The following REPS1 variants were observed in gnomAD, a reference collection of about 807,000 sequenced individuals.
REPS1 encodes ralBP1-associated Eps domain-containing protein 1.
Under a neutral mutation model 100.9 loss-of-function variants are expected in REPS1, and 39 were observed. That is an observed-to-expected ratio of 0.39 (90% CI 0.30 to 0.50). The LOEUF (loss-of-function observed/expected upper bound fraction) is 0.50, where lower values mean the gene tolerates loss of function less well. Ranked by LOEUF, REPS1 falls within the 20% of genes least tolerant of loss-of-function variation. The pLI is 0.86. For missense variants in REPS1, 821 were observed against 968.5 expected (o/e 0.85, Z 2.02); for synonymous variants, 324 against 340.3 (o/e 0.95, Z 0.53).
At chr6:138,932,083 T>A (rs544567704) in intron 8 of REPS1, among the ~76,000 whole-genome samples, 1 of 152,176 alleles carries the variant, frequency 6.6e-6, no homozygotes, top group African/African-American at 2.4e-5. Flanking sequence ...TTTCTTCTAC[T>A]GACAAATTTA....
rs146621514 is a variant in REPS1, at chr6:138,987,915, C to G, written c.-233G>C. 22,445 of 378,132 alleles carry G rather than the reference C, an allele frequency of 0.059. 1,752 individuals are homozygous for G. Among genetic ancestry groups the G allele is most frequent in the African/African-American group, 0.23 (10,825 of 47,470 alleles). 23.4% of individuals were successfully genotyped at this position (378,132 alleles called of 1,614,324 possible). ...GCCTGCGAGGCCCGGCGCGCGGCTG[C>G]GGCTGCGGCTGCGACTACGGCTCCG... On this transcript the variant is annotated 5_prime_UTR_variant, in exon 1 of 20. Coordinates refer to ENST00000450536, the MANE Select transcript of REPS1 (RefSeq NM_001286611.2).
At chr6:138,947,949 A>C (rs749009344) in intron 1 of REPS1, 36 bp from the exon 2 acceptor site, 1 of 1,530,156 alleles carries the variant, frequency 6.5e-7, no homozygotes, top group Admixed American at 2.3e-5. Flanking sequence ...TAAGATTCAC[A>C]ACAAAAATCT....
chr6:138,917,179 G>T (rs551057162), intron 13 of REPS1, among the ~76,000 whole-genome samples: 1 of 152,312 alleles, frequency 6.6e-6, no homozygotes, highest in African/African-American at 2.4e-5. Context: ...GGGTGGGGAG[G>T]TGGCCCACCA....
intron 1 of REPS1, among the ~76,000 whole-genome samples, chr6:138,966,520 A>C (rs1026780327): frequency 1.3e-5 from 2 of 152,174 alleles, no homozygotes; most frequent in African/African-American, 4.8e-5. Context: ...CAACCCTATG[A>C]GGTAGGTACT....
intron 19 of REPS1, among the ~76,000 whole-genome samples, chr6:138,905,581 GCGCCCGGC>G (rs1562504676): frequency 4.5e-5 from 5 of 110,390 alleles, no homozygotes; most frequent in Admixed American, 2.4e-4. Flanking sequence ...GTGAGCCACC[GCGCCCGGC>G]TGAAATGTAG....
chr6:138,948,282 G>C (rs977087232), intron 1 of REPS1, among the ~76,000 whole-genome samples: 4 of 151,982 alleles, frequency 2.6e-5, no homozygotes, highest in Non-Finnish European at 4.4e-5. Flanking sequence ...TTAAAGTGAC[G>C]GTCTTTAAAT....
intron 1 of REPS1, among the ~76,000 whole-genome samples, chr6:138,981,982 A>C (rs1366869708): frequency 3.3e-5 from 5 of 152,218 alleles, no homozygotes; most frequent in Non-Finnish European, 5.9e-5. Context: ...AAAGTAAATA[A>C]ATAGGACACT....
At chr6:138,969,114 C>T (rs1323618990) in intron 1 of REPS1, among the ~76,000 whole-genome samples, 1 of 152,006 alleles carries the variant, frequency 6.6e-6, no homozygotes, top group Non-Finnish European at 1.5e-5. Flanking sequence ...ATTATAGAAA[C>T]ATCTCATCAA....
At chr6:138,922,986 A>G (rs17068090) in intron 10 of REPS1, among the ~76,000 whole-genome samples, 21,779 of 152,192 alleles carry the variant, frequency 0.14, 1,834 homozygotes, top group South Asian at 0.35. Context: ...ATACTAACAA[A>G]TTCATTCAAA....
intron 1 of REPS1, among the ~76,000 whole-genome samples, chr6:138,976,628 C>G (rs1784616559): frequency 6.6e-6 from 1 of 152,090 alleles, no homozygotes; most frequent in Non-Finnish European, 1.5e-5. Context: ...ATTAAGATAT[C>G]TGAGTTAAGT....
At chr6:138,920,379 G>C in intron 11 of REPS1, 63 bp from the exon 12 acceptor site, 1 of 820,042 alleles carries the variant, frequency 1.2e-6, no homozygotes, top group East Asian at 2.6e-5. Flanking sequence ...AACTCATAAA[G>C]CTCAGAGTGT....
Position 138,947,821 on chromosome 6 carries a change from A to C in REPS1, c.246T>G (p.Gly82=). 6.2e-7 allele frequency: 1 copy of C among 1,610,372 alleles called. No individual in the cohort carries two copies. Among genetic ancestry groups the C allele is most frequent in the Non-Finnish European group, 8.5e-7 (1 of 1,178,504 alleles). The part of the protein sequence containing the change: ...ALKLVAVAQS[G]FPLRVESINT... ...TTATACTTTCCACTCTTAAAGGGAA[A>C]CCAGACTGGGCAACAGCTACAAGTT... Residue 82 remains glycine, a synonymous_variant, in exon 2 of 20, where the codon GGT becomes GGG. Coordinates refer to ENST00000450536, the MANE Select transcript of REPS1 (RefSeq NM_001286611.2).
intron 13 of REPS1, among the ~76,000 whole-genome samples, chr6:138,917,187 C>G (rs935966528): frequency 1.3e-5 from 2 of 152,218 alleles, no homozygotes; most frequent in African/African-American, 4.8e-5. Context: ...AGGTGGCCCA[C>G]CACTGGGCTG....
At chr6:138,915,826 G>A in intron 14 of REPS1, 32 bp downstream of exon 14, 2 of 1,378,776 alleles carry the variant, frequency 1.5e-6, no homozygotes, top group Non-Finnish European at 2.0e-6. Flanking sequence ...AAAATTAAAT[G>A]ATAATGTATA....
intron 8 of REPS1, among the ~76,000 whole-genome samples, chr6:138,937,521 TA>T (rs72011121): frequency 2.0e-5 from 3 of 152,008 alleles, no homozygotes; most frequent in Non-Finnish European, 4.4e-5. Context: ...TTCTCTGGCT[TA>T]AAAAAAATTC....
intron 1 of REPS1, among the ~76,000 whole-genome samples, chr6:138,959,319 G>A (rs1482997386): frequency 1.3e-5 from 2 of 152,260 alleles, no homozygotes; most frequent in East Asian, 3.9e-4. Flanking sequence ...CCGAAGTCAA[G>A]TAGATGCTCA....
chr6:138,916,103 T>A (rs926828752), intron 13 of REPS1, 127 bp from the exon 14 acceptor site: 3 of 742,572 alleles, frequency 4.0e-6, no homozygotes, highest in Non-Finnish European at 7.3e-6. Context: ...CACTCAAGTA[T>A]GTAAGTGTTA....
intron 13 of REPS1, among the ~76,000 whole-genome samples, chr6:138,916,578 G>A (rs1227146366): frequency 1.3e-5 from 2 of 151,890 alleles, no homozygotes; most frequent in Non-Finnish European, 2.9e-5. Context: ...TTAGTGTTAC[G>A]CTTTCCCATT....
chr6:138,941,252 AC>A, intron 8 of REPS1, 82 bp downstream of exon 8: 1 of 1,432,058 alleles, frequency 7.0e-7, no homozygotes, highest in Non-Finnish European at 9.7e-7. Flanking sequence ...GCTAAGGTTA[AC>A]CTCTATCTTG....
Sources: gnomAD v4.1 joint callset for allele counts (sites outside exome capture counted in the v4.1 genomes callset) on GRCh38, gnomAD v4.1.1 for gene constraint, MANE v1.5 for transcripts, NCBI Gene and HGNC (gene_info 2026-07-23, HGNC 2026-07-21) for gene names.